The following NCF2 variants were observed in gnomAD, a reference collection of about 807,000 sequenced individuals.
NCF2 encodes neutrophil cytosolic factor 2.
NCF2 carries 45 observed loss-of-function variants against 70.9 expected under a neutral mutation model. That is an observed-to-expected ratio of 0.63 (90% CI 0.50 to 0.81). The LOEUF is 0.81. Ranked by LOEUF, NCF2 falls within the 40% of genes least tolerant of loss-of-function variation. The pLI, the probability that NCF2 is intolerant of heterozygous loss-of-function variation, is 0.00. For missense variants in NCF2, 522 were observed against 631.6 expected, an observed-to-expected ratio of 0.83 and a Z score of 1.86; for synonymous variants, 203 against 233.6, an observed-to-expected ratio of 0.87 and a Z score of 1.19.
upstream of NCF2, among the ~76,000 whole-genome samples, chr1:183,593,674 T>A (rs1018582814): frequency 6.6e-6 from 1 of 152,226 alleles, no homozygotes; most frequent in Admixed American, 6.5e-5. Context: ...TTCTCTCTGA[T>A]CATGTATTTG....
the NCF2 span, among the ~76,000 whole-genome samples, chr1:183,599,083 G>A: frequency 6.6e-6 from 1 of 152,168 alleles, no homozygotes; most frequent in Admixed American, 6.5e-5. Flanking sequence ...AAATAAGTCA[G>A]GTCAAAACAA....
At chr1:183,585,054 C>T (rs141050774) in intron 2 of NCF2, among the ~76,000 whole-genome samples, 27 of 152,280 alleles carry the variant, frequency 1.8e-4, no homozygotes, top group Non-Finnish European at 3.2e-4. Flanking sequence ...AAAGACTTCA[C>T]TTCTACTTTC....
At chr1:183,587,926 G>A (rs1673436496) in intron 1 of NCF2, among the ~76,000 whole-genome samples, 1 of 152,064 alleles carries the variant, frequency 6.6e-6, no homozygotes. Flanking sequence ...TTTTTCATTA[G>A]TGTAGCTTTC....
At chr1:183,601,228 C>T in the NCF2 span, among the ~76,000 whole-genome samples, 1 of 152,286 alleles carries the variant, frequency 6.6e-6, no homozygotes, top group African/African-American at 2.4e-5. Context: ...TAAAGTTCTG[C>T]TTCTCACTCT....
At chr1:183,599,402 T>TTTTCTTTC in the NCF2 span, among the ~76,000 whole-genome samples, 1 of 123,268 alleles carries the variant, frequency 8.1e-6, no homozygotes, top group South Asian at 2.7e-4. Flanking sequence ...CCAAACCTCT[T>TTTTCTTTC]TTTCTTTCTT....
At chr1:183,592,282 G>T (rs913421026), upstream of NCF2, among the ~76,000 whole-genome samples, 2 of 152,200 alleles carry the variant, frequency 1.3e-5, no homozygotes, top group African/African-American at 2.4e-5. Context: ...TTGTTTTCCT[G>T]TGTTTACAAG....
chr1:183,589,509 G>C (rs555476776), intron 1 of NCF2, among the ~76,000 whole-genome samples: 3 of 152,036 alleles, frequency 2.0e-5, no homozygotes, highest in Admixed American at 6.6e-5. Context: ...AATAATTATC[G>C]AGAATGCTTA....
chr1:183,578,581 G>T (rs1159314425), intron 2 of NCF2, among the ~76,000 whole-genome samples: 2 of 152,174 alleles, frequency 1.3e-5, no homozygotes, highest in African/African-American at 4.8e-5. Context: ...GGCCAGGCTG[G>T]TCTCAAACTC....
chr1:183,577,838 G>T, intron 2 of NCF2, 131 bp from the exon 3 acceptor site: 1 of 733,478 alleles, frequency 1.4e-6, no homozygotes, highest in Non-Finnish European at 2.4e-6. Context: ...CTTTTGACCT[G>T]TTCTAGTTTT....
chr1:183,558,338 G>A (rs1042867751), intron 14 of NCF2, among the ~76,000 whole-genome samples: 3 of 151,084 alleles, frequency 2.0e-5, no homozygotes, highest in Non-Finnish European at 1.5e-5. Flanking sequence ...CACAATCTCA[G>A]CTCACTGCAA....
chr1:183,594,061 G>A (rs1455545965), upstream of NCF2, among the ~76,000 whole-genome samples: 1 of 152,214 alleles, frequency 6.6e-6, no homozygotes, highest in African/African-American at 2.4e-5. Flanking sequence ...AAAAGAGAAT[G>A]GAAAATTACA....
intron 2 of NCF2, among the ~76,000 whole-genome samples, chr1:183,585,419 T>G (rs1673298587): frequency 6.6e-6 from 1 of 151,834 alleles, no homozygotes; most frequent in Middle Eastern, 3.2e-3. Flanking sequence ...AGGTCAGGAG[T>G]TCGAGACCAG....
At chr1:183,581,476 A>C (rs1673070921) in intron 2 of NCF2, among the ~76,000 whole-genome samples, 1 of 151,598 alleles carries the variant, frequency 6.6e-6, no homozygotes, top group Non-Finnish European at 1.5e-5. Flanking sequence ...TCTAAAAAAA[A>C]AAAGATTACT....
At chr1:183,584,707 C>G (rs747962917) in intron 2 of NCF2, among the ~76,000 whole-genome samples, 1 of 152,056 alleles carries the variant, frequency 6.6e-6, no homozygotes, top group Non-Finnish European at 1.5e-5. Context: ...TGTTGTTAGG[C>G]CTCCCTGCAT....
chr1:183,570,298 G>T (rs538602861), intron 6 of NCF2, among the ~76,000 whole-genome samples: 2 of 152,334 alleles, frequency 1.3e-5, no homozygotes, highest in East Asian at 1.9e-4. Flanking sequence ...GCAGAAAAAG[G>T]GTTCACTCTC....
chr1:183,600,859 T>C, the NCF2 span, among the ~76,000 whole-genome samples: 1 of 152,126 alleles, frequency 6.6e-6, no homozygotes, highest in Non-Finnish European at 1.5e-5. Context: ...ACTTGAGAGG[T>C]TGACAGCACA....
At position 183,556,069 on chromosome 1, in the gene NCF2, A is replaced by C. The variant is rs746942426; in HGVS notation, c.*49T>G. ...AGCAGAAGGGTGCTAAATCTTACAA[A>C]CAAGTAATAGGGCTTCATTTTCTTC... is the stretch of plus-strand genomic sequence containing the variant. On this transcript the variant is annotated 3_prime_UTR_variant, in exon 15 of 15. Coordinates refer to ENST00000367535, the MANE Select transcript of NCF2 (RefSeq NM_000433.4). 1 of 1,492,744 alleles carries C rather than the reference A, an allele frequency of 6.7e-7. No homozygotes were observed. Among genetic ancestry groups the C allele is most frequent in the Non-Finnish European group, 9.3e-7 (1 of 1,069,522 alleles). 92.5% of individuals were successfully genotyped at this position (1,492,744 alleles called of 1,614,324 possible). A position where few individuals can be genotyped will look rare whatever the true frequency, so the allele number is the denominator to read the frequency against.
chr1:183,561,377 C>T (rs1350552878), intron 13 of NCF2, among the ~76,000 whole-genome samples: 1 of 152,048 alleles, frequency 6.6e-6, no homozygotes, highest in African/African-American at 2.4e-5. Context: ...GGTTTGTATC[C>T]CACCTCCACT....
At chr1:183,588,680 A>C (rs1673492252) in intron 1 of NCF2, among the ~76,000 whole-genome samples, 1 of 152,200 alleles carries the variant, frequency 6.6e-6, no homozygotes, top group African/African-American at 2.4e-5. Flanking sequence ...GTATACAATT[A>C]AAATGATAAT....
Sources: gnomAD v4.1 joint callset for allele counts (sites outside exome capture counted in the v4.1 genomes callset) on GRCh38, gnomAD v4.1.1 for gene constraint, MANE v1.5 for transcripts, NCBI Gene and HGNC (gene_info 2026-07-23, HGNC 2026-07-21) for gene names.